The following APOL4 variants were observed in gnomAD, a reference collection of about 807,000 sequenced individuals.
APOL4 encodes apolipoprotein L, 4.
A neutral mutation model predicts 12.1 loss-of-function variants in APOL4; 14 were observed. That is an observed-to-expected ratio of 1.16 (90% CI 0.76 to 1.81). The LOEUF (loss-of-function observed/expected upper bound fraction) is 1.81. APOL4 is among the 40% of genes most tolerant of loss of function. APOL4 has a pLI of 0.00. For missense variants in APOL4, 432 were observed against 423.1 expected, an observed-to-expected ratio of 1.02 and a Z score of -0.18; for synonymous variants, 171 against 160.6, an observed-to-expected ratio of 1.06 and a Z score of -0.49.
At chr22:36,200,423 G>A (rs2014536913) in intron 1 of APOL4, among the ~76,000 whole-genome samples, 1 of 152,212 alleles carries the variant, frequency 6.6e-6, no homozygotes, top group African/African-American at 2.4e-5. Flanking sequence ...GACAGCCTGT[G>A]TCCCCCTTGC....
intron 3 of APOL4, among the ~76,000 whole-genome samples, chr22:36,193,923 A>T (rs2014332083): frequency 6.6e-6 from 1 of 152,160 alleles, no homozygotes; most frequent in Non-Finnish European, 1.5e-5. Flanking sequence ...CTCACATGTC[A>T]CCAGCCAAAC....
intron 1 of APOL4, among the ~76,000 whole-genome samples, chr22:36,200,762 T>C (rs144108850): frequency 4.8e-4 from 73 of 152,348 alleles, no homozygotes; most frequent in Middle Eastern, 3.4e-3. Context: ...AAACTAGCAG[T>C]ATATGAAGAT....
chr22:36,200,989 G>A (rs1335938215), intron 1 of APOL4, among the ~76,000 whole-genome samples: 3 of 152,072 alleles, frequency 2.0e-5, no homozygotes, highest in Non-Finnish European at 4.4e-5. Flanking sequence ...AGAAATACTG[G>A]GTACAACTGA....
chr22:36,198,191 T>C (rs1381342604), intron 2 of APOL4, among the ~76,000 whole-genome samples: 1 of 152,182 alleles, frequency 6.6e-6, no homozygotes, highest in Non-Finnish European at 1.5e-5. Flanking sequence ...TCAAATTCTT[T>C]CTCTCTTCGT....
In APOL4 at chr22:36,190,808, C is replaced by A. The variant is rs1343944727; in HGVS notation, c.*267G>T. On this transcript the variant is annotated 3_prime_UTR_variant, in exon 4 of 4. Transcript: ENST00000683024. ...TATCACATGGTCCTGAGGTGACATA[C>A]ATCCTCCTCAGCTGACAGGATTAGG... The A allele has an allele frequency of 4.6e-6, 2 of 438,394 alleles. No homozygotes were observed. Among genetic ancestry groups the A allele is most frequent in the Non-Finnish European group, 8.3e-6 (2 of 240,476 alleles). 27.2% of individuals were successfully genotyped at this position (438,394 alleles called of 1,614,324 possible). A position where few individuals can be genotyped will look rare whatever the true frequency, so the allele number is the denominator to read the frequency against.
intron 3 of APOL4, among the ~76,000 whole-genome samples, chr22:36,194,521 T>A (rs2014348168): frequency 6.6e-6 from 1 of 152,178 alleles, no homozygotes; most frequent in Non-Finnish European, 1.5e-5. Flanking sequence ...TCTCTGGGTC[T>A]TTGGGCGGCA....
rs143397335 is a variant in APOL4, at chr22:36,199,391, A to G, written c.36-15T>C. 1.5e-4 allele frequency: 243 copies of G among 1,614,002 alleles called. No individual in the cohort carries two copies. The African/African-American group carries it at 3.0e-3, about 20-fold the overall frequency. On this transcript the variant is annotated splice_polypyrimidine_tract_variant and intron_variant, in intron 1 of 3. Coordinates refer to ENST00000683024, the MANE Select transcript of APOL4 (RefSeq NM_001386885.1). ...TTTGCTGCACCCTTGAGGAAGAGAA[A>G]ACAAATTGTGGGATTGAATGTGAGC...
At chr22:36,199,427 C>T (rs988858851) in intron 1 of APOL4, 51 bp from the exon 2 acceptor site, 1 of 1,613,516 alleles carries the variant, frequency 6.2e-7, no homozygotes, top group African/African-American at 1.3e-5. Context: ...CACCTATGGG[C>T]AAAGGGAGGC....
chr22:36,197,199 A>G (rs132710), intron 2 of APOL4, among the ~76,000 whole-genome samples: 39,135 of 152,078 alleles, frequency 0.26, 6,920 homozygotes, highest in East Asian at 0.79. Context: ...GAGAGCTCTC[A>G]GCTTCTAATC....
At chr22:36,201,873 G>A, upstream of APOL4, 2 of 1,586,712 alleles carry the variant, frequency 1.3e-6, no homozygotes, top group Non-Finnish European at 8.6e-7. Context: ...TCAATTCCGG[G>A]AAGTGATTTT....
At position 36,191,821 on chromosome 22, in the gene APOL4, A is replaced by C. The variant is rs2014264119; in HGVS notation, c.301T>G (p.Phe101Val). Residue 101 changes from phenylalanine (F) to valine (V), a missense_variant, in exon 4 of 4, where the codon TTT (phenylalanine) becomes GTT (valine). Physicochemically the swap from Phe to Val is conservative, Grantham distance 50. Coordinates refer to ENST00000683024, the MANE Select transcript of APOL4 (RefSeq NM_001386885.1). ...DKDMQQKEQQFREWFLKEFPQ... is the reference protein window; with the variant it reads ...DKDMQQKEQQVREWFLKEFPQ... ...AACTCTTTCAAAAACCACTCCCTAAACTGCTGTTCTTTTTGCTGCATGTCT... is the reference window on the plus strand; with the variant it reads ...AACTCTTTCAAAAACCACTCCCTAACCTGCTGTTCTTTTTGCTGCATGTCT... The C allele has an allele frequency of 1.9e-6, 3 of 1,613,638 alleles. No individual in the cohort carries two copies. The highest frequency in any genetic ancestry group is 1.7e-5 in the Admixed American group (1 of 59,986).
intron 1 of APOL4, among the ~76,000 whole-genome samples, chr22:36,200,205 A>G (rs942037524): frequency 6.6e-6 from 1 of 152,216 alleles, no homozygotes; most frequent in African/African-American, 2.4e-5. Flanking sequence ...GGAATCCACA[A>G]AAGTTAGGGA....
rs115926360 is a variant in APOL4, at chr22:36,198,953, C to T, written c.82+377G>A. ...CAGAGAGGGAGGTGAGAGGTCAGGG[C>T]TGCTGGTCAACCTCCTCTCCCACCC... is the stretch of plus-strand genomic sequence containing the variant. On this transcript the variant is annotated intron_variant, in intron 2 of 3. Coordinates refer to ENST00000683024, the MANE Select transcript of APOL4 (RefSeq NM_001386885.1). 9.0e-3 allele frequency among the ~76,000 whole-genome samples: 1,366 copies of T among 152,316 alleles called. 24 individuals are homozygous for T. Among genetic ancestry groups the T allele is most frequent in the African/African-American group, 0.031 (1,299 of 41,564 alleles).
rs760005097 is a variant in APOL4, at chr22:36,191,046, G to A, written c.*29C>T. 1 of 1,545,720 alleles carries A rather than the reference G, an allele frequency of 6.5e-7. No individual in the cohort carries two copies. The highest frequency in any genetic ancestry group is 1.2e-5 in the South Asian group (1 of 83,394). On this transcript the variant is annotated 3_prime_UTR_variant, in exon 4 of 4. Coordinates refer to ENST00000683024, the MANE Select transcript of APOL4 (RefSeq NM_001386885.1). Reference sequence around the variant, plus strand: ...TGGCTTCAGCCAGTCCCTCCGTTTGGGGTCCCTGACTTCCCGCAACAATTG... The same window carrying A: ...TGGCTTCAGCCAGTCCCTCCGTTTGAGGTCCCTGACTTCCCGCAACAATTG...
intron 2 of APOL4, among the ~76,000 whole-genome samples, chr22:36,198,547 AG>A: frequency 6.6e-6 from 1 of 152,206 alleles, no homozygotes; most frequent in Admixed American, 6.5e-5. Context: ...TGCTTGTGAC[AG>A]GCAGTGCAGG....
chr22:36,200,770 G>T (rs2014547659), intron 1 of APOL4, among the ~76,000 whole-genome samples: 2 of 152,192 alleles, frequency 1.3e-5, no homozygotes, highest in African/African-American at 4.8e-5. Flanking sequence ...AGTATATGAA[G>T]ATGCCCATTC....
chr22:36,192,343 A>T (rs1442839849), intron 3 of APOL4, among the ~76,000 whole-genome samples: 5 of 152,178 alleles, frequency 3.3e-5, no homozygotes, highest in African/African-American at 9.7e-5. Flanking sequence ...CCATCTCAAA[A>T]AAAAATAATA....
chr22:36,196,528 C>T (rs1228387225), intron 2 of APOL4, among the ~76,000 whole-genome samples: 1 of 152,160 alleles, frequency 6.6e-6, no homozygotes, highest in Non-Finnish European at 1.5e-5. Context: ...ATAATATTAT[C>T]ACTACAAAGC....
intron 3 of APOL4, among the ~76,000 whole-genome samples, chr22:36,193,023 C>T (rs185816562): frequency 2.4e-4 from 37 of 152,306 alleles, no homozygotes; most frequent in African/African-American, 7.9e-4. Context: ...GGGCCTGCAC[C>T]GCCCCAGCTC....
Sources: gnomAD v4.1 joint callset for allele counts (sites outside exome capture counted in the v4.1 genomes callset) on GRCh38, gnomAD v4.1.1 for gene constraint, MANE v1.5 for transcripts, NCBI Gene and HGNC (gene_info 2026-07-23, HGNC 2026-07-21) for gene names.